The following MAP2 variants were observed in gnomAD, a reference collection of about 807,000 sequenced individuals.
The protein encoded by MAP2 is microtubule associated protein 2.
MAP2 carries 14 observed loss-of-function variants against 137.6 expected under a neutral mutation model. The observed-to-expected ratio is 0.10, with a 90% CI of 0.07 to 0.16. The LOEUF (loss-of-function observed/expected upper bound fraction) is 0.16. MAP2 is among the 10% of genes least tolerant of loss of function. The pLI, the probability that MAP2 is intolerant of heterozygous loss-of-function variation, is 1.00. For synonymous variants in MAP2, 786 were observed against 782.3 expected (o/e 1.00, Z -0.08); for missense variants, 2,088 against 2,191.5 (o/e 0.95, Z 0.94).
intron 4 of MAP2, among the ~76,000 whole-genome samples, chr2:209,647,107 C>T (rs1281389193): frequency 2.0e-5 from 3 of 152,072 alleles, no homozygotes; most frequent in African/African-American, 4.8e-5. Context: ...AGGAGTAAGA[C>T]AGAGTGAGGA....
At chr2:209,488,319 C>T (rs994384760) in intron 1 of MAP2, among the ~76,000 whole-genome samples, 1 of 152,152 alleles carries the variant, frequency 6.6e-6, no homozygotes, top group African/African-American at 2.4e-5. Flanking sequence ...GGTGCCTATA[C>T]CACAAAGGCC....
At chr2:209,460,349 T>A (rs1204675667) in intron 1 of MAP2, among the ~76,000 whole-genome samples, 1 of 152,160 alleles carries the variant, frequency 6.6e-6, no homozygotes, top group Non-Finnish European at 1.5e-5. Flanking sequence ...ACATAGGTGG[T>A]TTTAAAAAGA....
At chr2:209,454,031 G>T (rs1700907810) in intron 1 of MAP2, among the ~76,000 whole-genome samples, 1 of 151,434 alleles carries the variant, frequency 6.6e-6, no homozygotes, top group African/African-American at 2.4e-5. Context: ...GGCGCCTGTA[G>T]TCCCAGCTAC....
intron 4 of MAP2, among the ~76,000 whole-genome samples, chr2:209,639,279 A>G (rs2093819259): frequency 6.6e-6 from 1 of 152,208 alleles, no homozygotes; most frequent in African/African-American, 2.4e-5. Context: ...TGTATAAAAC[A>G]TGATATTTTA....
At chr2:209,720,938 CTT>C (rs1276247772) in intron 13 of MAP2, among the ~76,000 whole-genome samples, 2 of 151,290 alleles carry the variant, frequency 1.3e-5, no homozygotes, top group South Asian at 2.1e-4. Context: ...AACTATAACT[CTT>C]TGATTTTTTT....
In MAP2 at chr2:209,653,395, C is replaced by G; in HGVS notation, c.225C>G (p.Ile75Met). The G allele has an allele frequency of 6.2e-7, 1 of 1,611,426 alleles. No homozygotes were observed. The highest frequency in any genetic ancestry group is 2.2e-5 in the East Asian group (1 of 44,850). The change falls in exon 5 of 16, where the codon ATC becomes ATG. Residue 75 changes from isoleucine (I) to methionine (M), a missense_variant. Ile to Met is a conservative substitution (Grantham distance 10). This residue lies in a region of MAP2 where 859 missense variants were observed against 794.5 expected (regional missense o/e 1.08). Transcript: ENST00000682079. ...ATTCAAATACCAAAGAGAATGGGAT[C>G]AACGGAGAGCTGACCTCAGCTGACA... Reference protein sequence around the residue: ...GTYSNTKENGINGELTSADRE... With the variant: ...GTYSNTKENGMNGELTSADRE...
chr2:209,585,564 A>T (rs1011718842), intron 3 of MAP2, among the ~76,000 whole-genome samples: 1 of 152,166 alleles, frequency 6.6e-6, no homozygotes, highest in African/African-American at 2.4e-5. Flanking sequence ...AATCAAAATC[A>T]TAAGGATATA....
At chr2:209,730,100 T>C in intron 15 of MAP2, 82 bp from the exon 16 acceptor site, 1 of 1,245,994 alleles carries the variant, frequency 8.0e-7, no homozygotes. Flanking sequence ...AAGTCATTAA[T>C]GTCAGCCCTG....
chr2:209,507,859 A>T (rs1257716971), intron 2 of MAP2, among the ~76,000 whole-genome samples: 3 of 151,990 alleles, frequency 2.0e-5, no homozygotes, highest in African/African-American at 7.2e-5. Context: ...TTGAATGTTG[A>T]ATTTATTTAA....
intron 4 of MAP2, among the ~76,000 whole-genome samples, chr2:209,631,848 G>A (rs1393024744): frequency 6.6e-6 from 1 of 152,124 alleles, no homozygotes; most frequent in African/African-American, 2.4e-5. Flanking sequence ...GCATGAAACT[G>A]CAACATGTGT....
Position 209,733,985 on chromosome 2 carries a change from C to G in MAP2, c.*3588C>G, listed in dbSNP as rs1421470634. ...TTTCTTTCTTCTGATAATTCTAGAG[C>G]CTGTTACCATAGAAAGGCATTTCTT... On this transcript the variant is annotated 3_prime_UTR_variant, in exon 16 of 16. Coordinates refer to ENST00000682079, the MANE Select transcript of MAP2 (RefSeq NM_001375505.1). 1 of 152,630 alleles carries G rather than the reference C, an allele frequency of 6.6e-6. No individual in the cohort carries two copies. The highest frequency in any genetic ancestry group is 2.4e-5 in the African/African-American group (1 of 41,516). The allele number at this position is 152,630 out of a possible 1,614,324, so 9.5% of individuals were successfully genotyped here.
chr2:209,612,259 C>T (rs2048249), intron 3 of MAP2, among the ~76,000 whole-genome samples: 21,994 of 152,054 alleles, frequency 0.14, 3,268 homozygotes, highest in African/African-American at 0.38. Context: ...TAAAATATTT[C>T]GAGAGTGAAA....
At chr2:209,631,840 A>T (rs548971742) in intron 4 of MAP2, among the ~76,000 whole-genome samples, 3 of 152,178 alleles carry the variant, frequency 2.0e-5, no homozygotes, top group Admixed American at 1.3e-4. Flanking sequence ...GTGTAGAAGC[A>T]TGAAACTGCA....
At position 209,454,494 on chromosome 2, in the gene MAP2, C is replaced by T. The variant is rs530081774; in HGVS notation, c.-222+30218C>T. 4.2e-4 allele frequency among the ~76,000 whole-genome samples: 64 copies of T among 152,066 alleles called. 1 individual carries two copies. In the South Asian group the frequency reaches 0.013, roughly 31 times the overall value. ...GGGATTAGAGGCACCCACCACCATG[C>T]CCGGCTAGTTTTTGTATTTTTTAGT... On this transcript the variant is annotated intron_variant, in intron 1 of 15. Transcript: ENST00000682079.
At chr2:209,434,917 ATGT>A (rs1695489139) in intron 1 of MAP2, among the ~76,000 whole-genome samples, 1 of 133,720 alleles carries the variant, frequency 7.5e-6, no homozygotes, top group African/African-American at 2.7e-5. Flanking sequence ...TGTTATATAT[ATGT>A]TATATATATA....
chr2:209,585,642 A>G (rs1034670005), intron 3 of MAP2, among the ~76,000 whole-genome samples: 1 of 152,158 alleles, frequency 6.6e-6, no homozygotes, highest in Non-Finnish European at 1.5e-5. Context: ...TGCCACCTGC[A>G]TATTATTCTC....
chr2:209,601,218 T>C (rs1478527800), intron 3 of MAP2, among the ~76,000 whole-genome samples: 1 of 152,186 alleles, frequency 6.6e-6, no homozygotes, highest in Non-Finnish European at 1.5e-5. Context: ...AAATTTTTAT[T>C]TTTATTTAGT....
At chr2:209,691,126 T>C (rs1248311896) in intron 7 of MAP2, among the ~76,000 whole-genome samples, 1 of 149,536 alleles carries the variant, frequency 6.7e-6, no homozygotes, top group African/African-American at 2.5e-5. Context: ...CTTTTTTTAT[T>C]TTATTTTTTT....
intron 13 of MAP2, among the ~76,000 whole-genome samples, chr2:209,719,997 A>G (rs2069582033): frequency 6.6e-6 from 1 of 152,186 alleles, no homozygotes; most frequent in African/African-American, 2.4e-5. Flanking sequence ...TCAAATTGGA[A>G]TGAGAGCACC....
Sources: gnomAD v4.1 joint callset for allele counts (sites outside exome capture counted in the v4.1 genomes callset) on GRCh38, gnomAD v4.1.1 for gene constraint, gnomAD v4.1.1 regional missense constraint, MANE v1.5 for transcripts, NCBI Gene and HGNC (gene_info 2026-07-23, HGNC 2026-07-21) for gene names.